ARB2A: variants seen among roughly 807,000 people sequenced by gnomAD.
The protein encoded by ARB2A is ARB2 cotranscriptional regulator A, also known as cotranscriptional regulator ARB2A.
the ARB2A span, among the ~76,000 whole-genome samples, chr5:93,812,386 T>C: frequency 1.8e-4 from 27 of 152,120 alleles, no homozygotes; most frequent in Non-Finnish European, 3.4e-4. Flanking sequence ...CAGGGCATCA[T>C]TTGATGGAGA....
At chr5:93,936,940 GTTTT>G in the ARB2A span, among the ~76,000 whole-genome samples, 1 of 133,570 alleles carries the variant, frequency 7.5e-6, no homozygotes, top group Admixed American at 7.5e-5. Flanking sequence ...AATTATAAAG[GTTTT>G]TTTTTTTTTT....
At chr5:93,706,017 T>C in the ARB2A span, among the ~76,000 whole-genome samples, 2 of 152,164 alleles carry the variant, frequency 1.3e-5, no homozygotes, top group Non-Finnish European at 2.9e-5. Context: ...AAAATTACTA[T>C]ATGACCCAGC....
chr5:93,680,409 G>GATC, the ARB2A span, among the ~76,000 whole-genome samples: 1 of 152,166 alleles, frequency 6.6e-6, no homozygotes, highest in East Asian at 1.9e-4. Flanking sequence ...TAAGTGATTT[G>GATC]ATCAAGATCA....
chr5:93,737,385 T>G, the ARB2A span: 1 of 152,140 alleles, frequency 6.6e-6, no homozygotes, highest in Non-Finnish European at 1.5e-5. Context: ...TTCAATGCAC[T>G]CTGTAACAAA....
chr5:93,675,121 C>A, the ARB2A span, among the ~76,000 whole-genome samples: 2 of 152,036 alleles, frequency 1.3e-5, no homozygotes, highest in Non-Finnish European at 2.9e-5. Flanking sequence ...GGAATGGGAA[C>A]CAGAAGTCAT....
chr5:93,832,097 T>C, the ARB2A span, among the ~76,000 whole-genome samples: 2 of 152,140 alleles, frequency 1.3e-5, no homozygotes, highest in Non-Finnish European at 2.9e-5. Flanking sequence ...GGAATCAACC[T>C]TGCTAGCAGG....
chr5:94,044,151 C>A, the ARB2A span, among the ~76,000 whole-genome samples: 1 of 152,180 alleles, frequency 6.6e-6, no homozygotes, highest in Admixed American at 6.5e-5. Flanking sequence ...TAGCCTAATT[C>A]TGGGCATGTA....
At chr5:94,050,739 G>A in the ARB2A span, 5 of 1,601,842 alleles carry the variant, frequency 3.1e-6, no homozygotes, top group Admixed American at 7.1e-5. Context: ...ACCTCTCCTA[G>A]AGCCTCGTAT....
At chr5:93,890,072 A>G in the ARB2A span, among the ~76,000 whole-genome samples, 1 of 151,960 alleles carries the variant, frequency 6.6e-6, no homozygotes, top group East Asian at 1.9e-4. Context: ...TGATAAAATT[A>G]TATAAACAAA....
chr5:93,968,411 T>C, the ARB2A span, among the ~76,000 whole-genome samples: 3 of 152,106 alleles, frequency 2.0e-5, no homozygotes, highest in Admixed American at 1.3e-4. Context: ...ACAACCACTG[T>C]AACAAAAATG....
chr5:93,661,906 T>C, the ARB2A span, among the ~76,000 whole-genome samples: 2 of 151,990 alleles, frequency 1.3e-5, no homozygotes, highest in South Asian at 2.1e-4. Context: ...CCTAAAGTAC[T>C]GAGTGGGCAG....
At chr5:93,781,231 T>C in the ARB2A span, among the ~76,000 whole-genome samples, 3 of 152,172 alleles carry the variant, frequency 2.0e-5, no homozygotes, top group African/African-American at 7.2e-5. Flanking sequence ...GTACCCATAG[T>C]TTAGCTCCCA....
the ARB2A span, among the ~76,000 whole-genome samples, chr5:93,858,548 A>C: frequency 2.0e-5 from 3 of 152,176 alleles, no homozygotes; most frequent in Admixed American, 6.6e-5. Flanking sequence ...CATCTCCTTT[A>C]GCCTTTATCT....
chr5:93,774,147 T>A, the ARB2A span, among the ~76,000 whole-genome samples: 1 of 152,178 alleles, frequency 6.6e-6, no homozygotes, highest in East Asian at 1.9e-4. Flanking sequence ...TAGAAGACGG[T>A]GAACTTAATT....
At chr5:93,981,586 C>T in the ARB2A span, among the ~76,000 whole-genome samples, 1 of 151,666 alleles carries the variant, frequency 6.6e-6, no homozygotes, top group Non-Finnish European at 1.5e-5. Context: ...ATTTACCCTC[C>T]CAATTCTTTC....
At chr5:93,877,807 T>C in the ARB2A span, among the ~76,000 whole-genome samples, 31 of 152,114 alleles carry the variant, frequency 2.0e-4, no homozygotes, top group Non-Finnish European at 3.8e-4. Flanking sequence ...GTGGATAGAA[T>C]TTTGGATTCA....
At chr5:93,822,394 A>G in the ARB2A span, among the ~76,000 whole-genome samples, 1 of 152,166 alleles carries the variant, frequency 6.6e-6, no homozygotes. Flanking sequence ...TTCATTGTAA[A>G]AACTGTCCAA....
chr5:93,682,865 T>A, the ARB2A span: 32 of 1,427,696 alleles, frequency 2.2e-5, no homozygotes, highest in Non-Finnish European at 2.8e-5. Context: ...CTGCCAGAGA[T>A]CTTGAATAGC....
chr5:93,643,099 C>T, the ARB2A span, among the ~76,000 whole-genome samples: 1 of 152,136 alleles, frequency 6.6e-6, no homozygotes, highest in East Asian at 1.9e-4. Context: ...ATTAGACAAT[C>T]ATATCAATAT....
Sources: allele counts gnomAD v4.1 joint callset (sites outside exome capture counted in the v4.1 genomes callset), GRCh38; gene constraint gnomAD v4.1.1; transcripts MANE v1.5; gene names NCBI Gene and HGNC (gene_info 2026-07-23, HGNC 2026-07-21).